ANK3: variants seen among roughly 807,000 people sequenced by gnomAD.
The protein encoded by ANK3 is ankyrin-3.
A neutral mutation model predicts 370.9 loss-of-function variants in ANK3; 57 were observed. The ratio of observed to expected loss-of-function variants is 0.15; its 90% CI spans 0.12 to 0.19. The LOEUF (loss-of-function observed/expected upper bound fraction) is 0.19, where lower values mean the gene tolerates loss of function less well. Ranked by LOEUF, ANK3 falls within the 10% of genes least tolerant of loss-of-function variation. The pLI is 1.00. For synonymous variants in ANK3, 1,929 were observed against 1,946.3 expected (o/e 0.99, Z 0.23); for missense variants, 4,439 against 5,302.1 (o/e 0.84, Z 5.06).
intron 35 of ANK3, 104 bp from the exon 36 acceptor site, chr10:60,080,722 CCTT>C: frequency 1.1e-6 from 1 of 945,212 alleles, no homozygotes; most frequent in South Asian, 1.6e-5. Context: ...TGTTTATTTT[CCTT>C]CTTAGGAAAT....
At chr10:60,610,762 T>A (rs1202201293) in intron 2 of ANK3, among the ~76,000 whole-genome samples, 1 of 152,204 alleles carries the variant, frequency 6.6e-6, no homozygotes, top group African/African-American at 2.4e-5. Context: ...GAATCAGATG[T>A]CTGCAAGAAA....
intron 27 of ANK3, 112 bp from the exon 28 acceptor site, chr10:60,106,171 G>T: frequency 1.0e-6 from 1 of 967,540 alleles, no homozygotes; most frequent in Admixed American, 3.3e-5. Flanking sequence ...TGCCACTAAG[G>T]TTGGGAATGA....
At chr10:60,483,647 G>C (rs982131494) in intron 2 of ANK3, among the ~76,000 whole-genome samples, 6 of 152,188 alleles carry the variant, frequency 3.9e-5, no homozygotes, top group African/African-American at 1.4e-4. Context: ...AAATGACACA[G>C]AGCATATTTT....
At chr10:60,348,368 A>C (rs1273379286) in intron 1 of ANK3, among the ~76,000 whole-genome samples, 6 of 80,998 alleles carry the variant, frequency 7.4e-5, no homozygotes, top group Admixed American at 2.5e-4. Context: ...AAAAAAAAAA[A>C]AACACAAAAA....
At chr10:60,191,187 C>T (rs1591513764) in intron 16 of ANK3, among the ~76,000 whole-genome samples, 1 of 151,966 alleles carries the variant, frequency 6.6e-6, no homozygotes, top group East Asian at 1.9e-4. Flanking sequence ...AAAAAATTCA[C>T]GACTAAGACC....
intron 2 of ANK3, among the ~76,000 whole-genome samples, chr10:60,610,058 G>GTT (rs1461978466): frequency 1.3e-5 from 2 of 151,916 alleles, no homozygotes; most frequent in Non-Finnish European, 1.5e-5. Flanking sequence ...AGGAATAATA[G>GTT]TATTAATATA....
intron 1 of ANK3, among the ~76,000 whole-genome samples, chr10:60,617,587 C>G (rs577838134): frequency 2.0e-5 from 3 of 152,156 alleles, no homozygotes; most frequent in African/African-American, 7.2e-5. Flanking sequence ...GTGCCTAGCA[C>G]AGCATAAGTG....
rs760835598 is a variant in ANK3 at position 60,088,138 on chromosome 10, G to C, written c.3540+9C>G. 1.2e-6 allele frequency: 2 copies of C among 1,613,128 alleles called. No homozygotes were observed. The highest frequency in any genetic ancestry group is 8.5e-7 in the Non-Finnish European group (1 of 1,179,374). On this transcript the variant is annotated intron_variant, in intron 29 of 43. Transcript: ENST00000280772. ...CATACTGAGGGAAACAACTTTTTGT[G>C]AACATTACCTGGAGGCCCACTCGAA...
At chr10:60,722,343 C>T (rs866970837) in intron 1 of ANK3, among the ~76,000 whole-genome samples, 2 of 152,076 alleles carry the variant, frequency 1.3e-5, no homozygotes, top group African/African-American at 2.4e-5. Context: ...GCTCAGGAGA[C>T]TGAGGCAGGA....
intron 2 of ANK3, among the ~76,000 whole-genome samples, chr10:60,595,749 T>C (rs2077979682): frequency 6.6e-6 from 1 of 152,192 alleles, no homozygotes; most frequent in Non-Finnish European, 1.5e-5. Flanking sequence ...AACTAAATTC[T>C]TCCCAAAGTT....
At chr10:60,234,052 A>G (rs2097291597) in intron 8 of ANK3, among the ~76,000 whole-genome samples, 1 of 152,234 alleles carries the variant, frequency 6.6e-6, no homozygotes, top group South Asian at 2.1e-4. Flanking sequence ...CTCAAGGTTC[A>G]TCAATGCTGT....
chr10:60,393,728 T>A (rs2063159248), upstream of ANK3, among the ~76,000 whole-genome samples: 1 of 152,168 alleles, frequency 6.6e-6, no homozygotes, highest in Admixed American at 6.5e-5. Flanking sequence ...CTCTCTCTTG[T>A]CATTTCATGT....
intron 1 of ANK3, among the ~76,000 whole-genome samples, 165 bp downstream of exon 1, chr10:60,389,260 T>C (rs1055315315): frequency 6.6e-6 from 1 of 152,140 alleles, no homozygotes; most frequent in African/African-American, 2.4e-5. Flanking sequence ...GCCCATCCTA[T>C]GGCCATGTTC....
At chr10:60,153,311 A>G (rs1026078522) in intron 23 of ANK3, among the ~76,000 whole-genome samples, 1 of 152,148 alleles carries the variant, frequency 6.6e-6, no homozygotes, top group Non-Finnish European at 1.5e-5. Context: ...GAAGAACTGG[A>G]GATCTGTAAG....
intron 2 of ANK3, among the ~76,000 whole-genome samples, chr10:60,450,633 G>T (rs138244237): frequency 1.3e-5 from 2 of 152,250 alleles, no homozygotes; most frequent in East Asian, 1.9e-4. Flanking sequence ...CAAAAAAAGC[G>T]TAAGTTCTTC....
At chr10:60,282,480 G>A (rs576876137) in intron 1 of ANK3, among the ~76,000 whole-genome samples, 1 of 152,000 alleles carries the variant, frequency 6.6e-6, no homozygotes, top group Non-Finnish European at 1.5e-5. Flanking sequence ...TAAAGGTGAT[G>A]AATAAATTAT....
chr10:60,212,261 T>C lies in ANK3; in HGVS notation c.996+1151A>G, dbSNP rs143383789. Among the ~76,000 whole-genome samples, 358 of 152,218 alleles carry C rather than the reference T, an allele frequency of 2.4e-3. 2 individuals carry two copies. Among genetic ancestry groups the C allele is most frequent in the African/African-American group, 8.3e-3 (344 of 41,542 alleles). On this transcript the variant is annotated intron_variant, in intron 9 of 43. Transcript: ENST00000280772. ...ACAATGGGGATTAATGGGAGGGTTTTTAAGCAGGAGGCTGACATGATTTGG... is the reference window on the plus strand; with the variant it reads ...ACAATGGGGATTAATGGGAGGGTTTCTAAGCAGGAGGCTGACATGATTTGG...
chr10:60,114,282 C>T lies in ANK3; in HGVS notation c.2891G>A (p.Ser964Asn). ...ATTGTCTAAGGTGTCTGCAGCCCAG[C>T]TGTAATGTCTAAGAGAATCTGAATC... ...EFDSDSLRHY[S>N]WAADTLDNVN... The change falls in exon 26 of 44, where the codon AGC becomes AAC. Residue 964 changes from serine to asparagine, a missense_variant. Transcript: ENST00000280772. 6.2e-7 allele frequency: 1 copy of T among 1,609,242 alleles called. No individual in the cohort carries two copies. Among genetic ancestry groups the T allele is most frequent in the Non-Finnish European group, 8.5e-7 (1 of 1,177,992 alleles).
intron 7 of ANK3, among the ~76,000 whole-genome samples, chr10:60,259,885 T>C (rs555540115): frequency 3.3e-4 from 51 of 152,336 alleles, no homozygotes; most frequent in Non-Finnish European, 7.1e-4. Flanking sequence ...CTGTTTATAC[T>C]TGACTTAAAG....
Sources: allele counts gnomAD v4.1 joint callset (sites outside exome capture counted in the v4.1 genomes callset), GRCh38; gene constraint gnomAD v4.1.1; transcripts MANE v1.5; gene names NCBI Gene and HGNC (gene_info 2026-07-23, HGNC 2026-07-21).